Variants in ADGRB3 observed in about 807,000 individuals in gnomAD.
The protein encoded by ADGRB3 is brain-specific angiogenesis inhibitor 3.
A neutral mutation model predicts 193.4 loss-of-function variants in ADGRB3; 37 were observed. That is an observed-to-expected ratio of 0.19 (90% CI 0.15 to 0.25). ADGRB3 has a LOEUF of 0.25. Ranked by LOEUF, ADGRB3 falls within the 10% of genes least tolerant of loss-of-function variation. The pLI is 1.00. For missense variants in ADGRB3, 1,637 were observed against 1,852.9 expected, an observed-to-expected ratio of 0.88 and a Z score of 2.14; for synonymous variants, 690 against 644.2, an observed-to-expected ratio of 1.07 and a Z score of -1.08.
At chr6:68,782,056 GGT>G (rs1399485424) in intron 3 of ADGRB3, among the ~76,000 whole-genome samples, 1 of 150,936 alleles carries the variant, frequency 6.6e-6, no homozygotes, top group Non-Finnish European at 1.5e-5. Flanking sequence ...GTGCCATGTT[GGT>G]GTGCTGCACC....
intron 3 of ADGRB3, among the ~76,000 whole-genome samples, chr6:68,800,263 T>C (rs1767286624): frequency 6.6e-6 from 1 of 152,114 alleles, no homozygotes; most frequent in Non-Finnish European, 1.5e-5. Flanking sequence ...GCCTGAGCAA[T>C]TGAAGTATGG....
intron 5 of ADGRB3, among the ~76,000 whole-genome samples, chr6:68,942,615 A>T (rs978687547): frequency 2.0e-5 from 3 of 147,822 alleles, no homozygotes; most frequent in African/African-American, 7.4e-5. Flanking sequence ...AACACTGAAT[A>T]TTTTTTTTTT....
intron 21 of ADGRB3, among the ~76,000 whole-genome samples, chr6:69,325,584 C>A (rs1768550095): frequency 6.6e-6 from 1 of 152,174 alleles, no homozygotes; most frequent in African/African-American, 2.4e-5. Context: ...AAGTTTCTCT[C>A]AAATTGCCTC....
At chr6:68,984,899 G>A (rs1769027079) in intron 10 of ADGRB3, among the ~76,000 whole-genome samples, 1 of 101,118 alleles carries the variant, frequency 9.9e-6, no homozygotes, top group Non-Finnish European at 2.1e-5. Flanking sequence ...TCATCTGATG[G>A]ATTTTTTTTT....
chr6:69,110,741 T>C (rs1199282905), intron 17 of ADGRB3, among the ~76,000 whole-genome samples: 1 of 152,110 alleles, frequency 6.6e-6, no homozygotes, highest in Non-Finnish European at 1.5e-5. Context: ...GCACATAATA[T>C]TTTGGCTGTT....
chr6:69,125,664 A>G (rs781355628), intron 17 of ADGRB3, among the ~76,000 whole-genome samples: 53 of 152,134 alleles, frequency 3.5e-4, no homozygotes, highest in Non-Finnish European at 2.4e-4. Context: ...CACTCACACT[A>G]TAGTATTTTA....
At chr6:69,297,340 ATCTCTCTCTCTCTC>A (rs386407481) in intron 20 of ADGRB3, among the ~76,000 whole-genome samples, 2 of 111,912 alleles carry the variant, frequency 1.8e-5, no homozygotes, top group Admixed American at 1.0e-4. Context: ...TTCTACTGAT[ATCTCTCTCTCTCTC>A]TCTCTCTCTC....
Position 69,360,881 on chromosome 6 carries a change from A to T in ADGRB3, c.3608A>T (p.Asp1203Val), listed in dbSNP as rs1769435642. ...TTCCTACTCACAGTTCTTCATAAGG[A>T]TATTGGTCCTTGCCGAGCAGCCACA... The part of the protein sequence containing the change: ...DIACRSVLHK[D>V]IGPCRAATIT... Residue 1203 changes from aspartate (D) to valine (V), a missense_variant, in exon 29 of 32, where the codon GAT (aspartate) becomes GTT (valine). Coordinates refer to ENST00000370598, the MANE Select transcript of ADGRB3 (RefSeq NM_001704.3). 1.2e-6 allele frequency: 2 copies of T among 1,605,566 alleles called. No homozygotes were observed. The highest frequency in any genetic ancestry group is 2.7e-5 in the African/African-American group (2 of 74,550).
chr6:68,947,036 A>G (rs1370394989), intron 6 of ADGRB3, among the ~76,000 whole-genome samples: 7 of 152,104 alleles, frequency 4.6e-5, no homozygotes, highest in Non-Finnish European at 1.0e-4. Flanking sequence ...AAATGAAGGT[A>G]TAGTATTTCC....
chr6:68,683,615 T>A (rs553460212), intron 3 of ADGRB3, among the ~76,000 whole-genome samples: 2 of 152,290 alleles, frequency 1.3e-5, no homozygotes, highest in Non-Finnish European at 2.9e-5. Flanking sequence ...GAATATTTGA[T>A]GGGCCACTGG....
chr6:69,121,056 G>A (rs1773670512), intron 17 of ADGRB3, among the ~76,000 whole-genome samples: 1 of 150,558 alleles, frequency 6.6e-6, no homozygotes, highest in African/African-American at 2.5e-5. Context: ...TCTCAGAGAG[G>A]GGGATGTGGC....
At chr6:68,997,488 CAAAA>C (rs748557247) in intron 11 of ADGRB3, among the ~76,000 whole-genome samples, 1 of 52,174 alleles carries the variant, frequency 1.9e-5, no homozygotes, top group Non-Finnish European at 3.9e-5. Flanking sequence ...ACTAAAAATA[CAAAA>C]AAAAAAAAAA....
intron 17 of ADGRB3, among the ~76,000 whole-genome samples, chr6:69,135,283 A>C (rs959209224): frequency 1.9e-5 from 2 of 103,896 alleles, no homozygotes; most frequent in Admixed American, 2.4e-4. Flanking sequence ...CAAAAATCAC[A>C]ACTACTTTTT....
At chr6:68,966,434 C>G (rs1350819068) in intron 8 of ADGRB3, among the ~76,000 whole-genome samples, 1 of 152,160 alleles carries the variant, frequency 6.6e-6, no homozygotes, top group Non-Finnish European at 1.5e-5. Context: ...TGCTGAATCA[C>G]CCACCTCTAC....
intron 3 of ADGRB3, among the ~76,000 whole-genome samples, chr6:68,757,699 G>GA (rs1375385622): frequency 6.6e-6 from 1 of 151,614 alleles, no homozygotes; most frequent in African/African-American, 2.4e-5. Context: ...AAGCAAAACA[G>GA]AAAAAAAATT....
At position 69,160,702 on chromosome 6, in the gene ADGRB3, C is replaced by A. The variant is rs777923369; in HGVS notation, c.2481-72588C>A. Reference sequence around the variant, plus strand: ...TTATCTGTTGGTTTGTTTGCTTTTCCTTCCAGTGCTAGATTTGTAATATCT... The same window carrying A: ...TTATCTGTTGGTTTGTTTGCTTTTCATTCCAGTGCTAGATTTGTAATATCT... On this transcript the variant is annotated intron_variant, in intron 17 of 31. Transcript: ENST00000370598. 2.6e-5 allele frequency among the ~76,000 whole-genome samples: 4 copies of A among 152,022 alleles called. No homozygotes were observed. In the South Asian group the frequency reaches 6.2e-4, roughly 24 times the overall value.
At chr6:69,279,101 A>G (rs1313766810) in intron 20 of ADGRB3, among the ~76,000 whole-genome samples, 12 of 133,758 alleles carry the variant, frequency 9.0e-5, no homozygotes, top group Non-Finnish European at 1.1e-4. Flanking sequence ...ATATATATAT[A>G]TATATATATA....
intron 3 of ADGRB3, among the ~76,000 whole-genome samples, chr6:68,914,744 G>T (rs1766828256): frequency 6.6e-6 from 1 of 152,182 alleles, no homozygotes; most frequent in African/African-American, 2.4e-5. Flanking sequence ...GTATGTGGTT[G>T]TTAAGGGTGA....
chr6:69,156,105 T>C (rs1774831864), intron 17 of ADGRB3, among the ~76,000 whole-genome samples: 1 of 152,212 alleles, frequency 6.6e-6, no homozygotes, highest in Non-Finnish European at 1.5e-5. Context: ...CAAAATATTA[T>C]AATTGTCTTT....
Sources: allele counts gnomAD v4.1 joint callset (sites outside exome capture counted in the v4.1 genomes callset), GRCh38; gene constraint gnomAD v4.1.1; transcripts MANE v1.5; gene names NCBI Gene and HGNC (gene_info 2026-07-23, HGNC 2026-07-21).